MIOS: variants seen among roughly 807,000 people sequenced by gnomAD.
MIOS encodes meiosis regulator for oocyte development.
A neutral mutation model predicts 96.9 loss-of-function variants in MIOS; 52 were observed. The ratio of observed to expected loss-of-function variants is 0.54; its 90% CI spans 0.43 to 0.68. The LOEUF (loss-of-function observed/expected upper bound fraction) is 0.68. MIOS is among the 30% of genes least tolerant of loss of function. MIOS has a pLI of 0.00. For missense variants in MIOS, 1,005 were observed against 1,052.8 expected, an observed-to-expected ratio of 0.95 and a Z score of 0.63; for synonymous variants, 397 against 359.5, an observed-to-expected ratio of 1.10 and a Z score of -1.18.
At chr7:7,605,403 T>C (rs1307958449) in intron 11 of MIOS, 10 of 152,268 alleles carry the variant, frequency 6.6e-5, no homozygotes, top group Admixed American at 6.6e-4. Flanking sequence ...TAAGCAATTC[T>C]TGTGCCTCAG....
chr7:7,572,363 C>T lies in MIOS; in HGVS notation c.-40-73C>T. 2 of 721,974 alleles carry T rather than the reference C, an allele frequency of 2.8e-6. No individual in the cohort carries two copies. The highest frequency in any genetic ancestry group is 4.3e-6 in the Non-Finnish European group (2 of 466,426). The allele number at this position is 721,974 out of a possible 1,614,324, so 44.7% of individuals were successfully genotyped here. A position where few individuals can be genotyped will look rare whatever the true frequency, so the allele number is the denominator to read the frequency against. On this transcript the variant is annotated intron_variant, in intron 3 of 12. Coordinates refer to ENST00000340080, the MANE Select transcript of MIOS (RefSeq NM_019005.4). The surrounding 1 kb of genome is among the most constrained non-coding windows in gnomAD (Gnocchi z 4.8). ...CTTGAATAGAGAATTTTCTGACTTT[C>T]TGAATAGTTTATTCAACGTAAGAAT...
At chr7:7,599,119 C>T (rs999044333) in intron 11 of MIOS, among the ~76,000 whole-genome samples, 27 of 152,086 alleles carry the variant, frequency 1.8e-4, no homozygotes, top group African/African-American at 6.5e-4. Flanking sequence ...AATGCCTTAT[C>T]TGTCATTTCA....
In MIOS at chr7:7,595,131, A is replaced by G. The variant is rs1206726486; in HGVS notation, c.2195A>G (p.Gln732Arg). ...GATCCCAGTTCCAAGCCTTTAGCACAAGTAAGTACATTGTTTTGGAGAAAA... is the reference window on the plus strand; with the variant it reads ...GATCCCAGTTCCAAGCCTTTAGCACGAGTAAGTACATTGTTTTGGAGAAAA... ...KLDPSSKPLA[Q>R]VFVSCNFCGK... is the part of the protein sequence containing the mutation. Residue 732 changes from glutamine to arginine, a missense_variant and splice_region_variant, in exon 10 of 13, where the codon CAA (glutamine) becomes CGA (arginine). This residue lies in a region of MIOS where 865 missense variants were observed against 887.9 expected (regional missense o/e 0.97). Transcript: ENST00000340080. 6.2e-7 allele frequency: 1 copy of G among 1,605,954 alleles called. No individual in the cohort carries two copies. Among genetic ancestry groups the G allele is most frequent in the Non-Finnish European group, 8.5e-7 (1 of 1,177,880 alleles).
At chr7:7,602,237 G>T (rs1315573403) in intron 11 of MIOS, among the ~76,000 whole-genome samples, 1 of 152,158 alleles carries the variant, frequency 6.6e-6, no homozygotes, top group Non-Finnish European at 1.5e-5. Context: ...AATCAGACAG[G>T]AGAAGGAAAT....
At chr7:7,579,320 G>T (rs1028035007) in intron 5 of MIOS, among the ~76,000 whole-genome samples, 1 of 152,140 alleles carries the variant, frequency 6.6e-6, no homozygotes, top group Non-Finnish European at 1.5e-5. Context: ...CAATAACCAT[G>T]TTCTTAACAT....
intron 5 of MIOS, among the ~76,000 whole-genome samples, chr7:7,580,954 T>C (rs1358086634): frequency 6.7e-6 from 1 of 149,906 alleles, no homozygotes; most frequent in Non-Finnish European, 1.5e-5. Flanking sequence ...CCCAAAGTGC[T>C]GGGATTACAG....
intron 11 of MIOS, 103 bp downstream of exon 11, chr7:7,596,564 TAAGA>T (rs1049721247): frequency 3.1e-5 from 36 of 1,160,748 alleles, no homozygotes; most frequent in Middle Eastern, 4.6e-4. Flanking sequence ...TTATTATTTC[TAAGA>T]AAGGGCAGTT....
chr7:7,596,285 A>G lies in MIOS; in HGVS notation c.2225A>G (p.Lys742Arg). 6.2e-7 allele frequency: 1 copy of G among 1,613,792 alleles called. No homozygotes were observed. Among genetic ancestry groups the G allele is most frequent in the Non-Finnish European group, 8.5e-7 (1 of 1,179,882 alleles). The stretch of plus-strand genomic sequence containing the variant: ...TTTGTGAGTTGCAATTTCTGTGGCA[A>G]GTCAATCTCCTACAGCTGTTCAGCT... ...QVFVSCNFCGKSISYSCSAVP... is the reference protein window; with the variant it reads ...QVFVSCNFCGRSISYSCSAVP... The change falls in exon 11 of 13, where the codon AAG becomes AGG. Residue 742 changes from lysine (K) to arginine (R), a missense_variant. Transcript: ENST00000340080.
intron 9 of MIOS, among the ~76,000 whole-genome samples, chr7:7,593,879 C>CAAAAAA (rs35986278): frequency 3.6e-4 from 17 of 47,646 alleles, no homozygotes; most frequent in Non-Finnish European, 4.0e-4. Flanking sequence ...ACTCTGTCTC[C>CAAAAAA]AAAAAAAAAA....
At position 7,589,560 on chromosome 7, in the gene MIOS, A is replaced by C. The variant is rs1312921197; in HGVS notation, c.2040A>C (p.Leu680Phe). The C allele has an allele frequency of 6.2e-7, 1 of 1,607,152 alleles. No individual in the cohort carries two copies. The highest frequency in any genetic ancestry group is 1.1e-5 in the South Asian group (1 of 89,710). Residue 680 changes from leucine (L) to phenylalanine (F), a missense_variant, in exon 9 of 13, where the codon TTA (leucine) becomes TTC (phenylalanine). By Grantham distance (22) the Leu-to-Phe change is conservative. Around this residue, in one of 3 missense-constraint regions of MIOS, gnomAD observed 865 missense variants for 887.9 expected, o/e 0.97. Coordinates refer to ENST00000340080, the MANE Select transcript of MIOS (RefSeq NM_019005.4). ...TTCAAACAGCAAGTTACTGTATGTT[A>C]CAGGTCAGTGCAGTTTGACAGCAGC... ...GDVQTASYCMLQGSPLDVLKD... is the reference protein window; with the variant it reads ...GDVQTASYCMFQGSPLDVLKD...
At chr7:7,605,752 C>T in intron 11 of MIOS, 190 bp from the exon 12 acceptor site, 1 of 461,450 alleles carries the variant, frequency 2.2e-6, no homozygotes, top group Non-Finnish European at 3.7e-6. Flanking sequence ...TTTATATTGG[C>T]TATTAAAAAT....
chr7:7,600,049 A>T (rs1359221639), intron 11 of MIOS, among the ~76,000 whole-genome samples: 1 of 152,034 alleles, frequency 6.6e-6, no homozygotes, highest in African/African-American at 2.4e-5. Context: ...GGATCGAAAA[A>T]CTACCTGTCG....
intron 11 of MIOS, among the ~76,000 whole-genome samples, chr7:7,604,735 G>C (rs571911042): frequency 6.6e-6 from 1 of 152,302 alleles, no homozygotes; most frequent in African/African-American, 2.4e-5. Flanking sequence ...TTGGCAGTGA[G>C]ATAGACCTTA....
chr7:7,593,518 A>G (rs1745370155), intron 9 of MIOS, among the ~76,000 whole-genome samples: 1 of 152,048 alleles, frequency 6.6e-6, no homozygotes, highest in African/African-American at 2.4e-5. Flanking sequence ...CCAAAGCATC[A>G]TTGGAAGTAG....
chr7:7,575,824 C>T (rs1447339978), intron 5 of MIOS, among the ~76,000 whole-genome samples: 1 of 151,934 alleles, frequency 6.6e-6, no homozygotes, highest in East Asian at 1.9e-4. Flanking sequence ...ACTAAAGAAA[C>T]ACTACTGTTG....
chr7:7,570,984 T>C (rs532240964), intron 3 of MIOS, among the ~76,000 whole-genome samples: 4 of 152,250 alleles, frequency 2.6e-5, no homozygotes, highest in Non-Finnish European at 4.4e-5. Flanking sequence ...ACTGAAACTT[T>C]TGCAAGATCA....
At chr7:7,574,960 C>T (rs1783481764) in intron 5 of MIOS, among the ~76,000 whole-genome samples, 1 of 152,018 alleles carries the variant, frequency 6.6e-6, no homozygotes, top group Non-Finnish European at 1.5e-5. Context: ...AGAGATTGAC[C>T]ATCCCTATTC....
chr7:7,595,859 C>A (rs1055585805), intron 10 of MIOS, among the ~76,000 whole-genome samples: 2 of 152,150 alleles, frequency 1.3e-5, no homozygotes, highest in Admixed American at 1.3e-4. Flanking sequence ...TGTTAACTCT[C>A]TTTGTCTTAG....
chr7:7,581,595 T>C (rs1366776465), intron 5 of MIOS: 1 of 152,146 alleles, frequency 6.6e-6, no homozygotes, highest in Non-Finnish European at 1.5e-5. Context: ...TCTTCCAAGT[T>C]CATGGAGTTG....
Sources: allele counts gnomAD v4.1 joint callset (sites outside exome capture counted in the v4.1 genomes callset), GRCh38; gene constraint gnomAD v4.1.1; regional missense constraint gnomAD v4.1.1; non-coding constraint Gnocchi (gnomAD v3.1); transcripts MANE v1.5; gene names NCBI Gene and HGNC (gene_info 2026-07-23, HGNC 2026-07-21).